The following OSBPL6 variants were observed in gnomAD, a reference collection of about 807,000 sequenced individuals.
OSBPL6 encodes oxysterol binding protein like 6, also known as oxysterol-binding protein-related protein 6.
In OSBPL6, 49 loss-of-function variants were observed where a neutral mutation model predicts 125.8. That is an observed-to-expected ratio of 0.39 (90% CI 0.31 to 0.49). The LOEUF is 0.49. Ranked by LOEUF, OSBPL6 falls within the 20% of genes least tolerant of loss-of-function variation. OSBPL6 has a pLI of 0.88. For synonymous variants in OSBPL6, 394 were observed against 391.8 expected, an observed-to-expected ratio of 1.01 and a Z score of -0.07; for missense variants, 986 against 1,135.4, an observed-to-expected ratio of 0.87 and a Z score of 1.89.
At chr2:178,275,700 G>A (rs1455006086) in intron 1 of OSBPL6, among the ~76,000 whole-genome samples, 2 of 150,642 alleles carry the variant, frequency 1.3e-5, no homozygotes, top group African/African-American at 4.9e-5. Flanking sequence ...GCGAGACAAG[G>A]TCACTCAGGA....
rs1418684022 is a variant in OSBPL6, at chr2:178,396,755, G to A, written c.*1196G>A. 3 of 152,140 alleles carry A rather than the reference G, an allele frequency of 2.0e-5. No homozygotes were observed. The highest frequency in any genetic ancestry group is 4.4e-5 in the Non-Finnish European group (3 of 68,018). 9.4% of individuals were successfully genotyped at this position (152,140 alleles called of 1,614,324 possible). A position where few individuals can be genotyped will look rare whatever the true frequency, so the allele number is the denominator to read the frequency against. On this transcript the variant is annotated 3_prime_UTR_variant, in exon 25 of 25. Coordinates refer to ENST00000190611, the MANE Select transcript of OSBPL6 (RefSeq NM_032523.4). Reference sequence around the variant, plus strand: ...ATATTAAGCATTTACCTTGCTATTGGCAGAGATATGAAACTTAAGCTAAGG... The same window carrying A: ...ATATTAAGCATTTACCTTGCTATTGACAGAGATATGAAACTTAAGCTAAGG...
chr2:178,244,418 T>C (rs2091416343), intron 1 of OSBPL6, among the ~76,000 whole-genome samples: 1 of 137,816 alleles, frequency 7.3e-6, no homozygotes, highest in South Asian at 2.4e-4. Context: ...CTATTAGACC[T>C]TAAGTCCATG....
chr2:178,194,472 A>C (rs1339485228), upstream of OSBPL6: 1 of 151,978 alleles, frequency 6.6e-6, no homozygotes, highest in African/African-American at 2.4e-5. Flanking sequence ...GCTGCAGCGC[A>C]GCGGACCACT....
chr2:178,336,501 C>G (rs2154079929), intron 9 of OSBPL6, 68 bp downstream of exon 9: 1 of 1,553,076 alleles, frequency 6.4e-7, no homozygotes, highest in Non-Finnish European at 8.8e-7. Context: ...CCGAAGAGGT[C>G]AATTATGAGT....
At chr2:178,292,639 C>T (rs1685391754) in intron 2 of OSBPL6, among the ~76,000 whole-genome samples, 1 of 152,146 alleles carries the variant, frequency 6.6e-6, no homozygotes, top group Admixed American at 6.6e-5. Context: ...ATTCATCCAT[C>T]CATCCATTCA....
chr2:178,369,321 T>C (rs1693157041), intron 13 of OSBPL6, among the ~76,000 whole-genome samples: 1 of 152,194 alleles, frequency 6.6e-6, no homozygotes, highest in Non-Finnish European at 1.5e-5. Flanking sequence ...CAAATACTGA[T>C]GATTTGCCCC....
chr2:178,251,818 A>T (rs1409238383), intron 1 of OSBPL6, among the ~76,000 whole-genome samples: 1 of 152,182 alleles, frequency 6.6e-6, no homozygotes, highest in African/African-American at 2.4e-5. Flanking sequence ...TTTTCATCAG[A>T]CTACAAATGA....
At chr2:178,320,660 A>C (rs972132091) in intron 3 of OSBPL6, among the ~76,000 whole-genome samples, 1 of 152,244 alleles carries the variant, frequency 6.6e-6, no homozygotes, top group Non-Finnish European at 1.5e-5. Context: ...ACAAATTATG[A>C]TCTTAAAGGA....
rs559627669 is a variant in OSBPL6 at position 178,329,632 on chromosome 2, G to A, written c.318+1254G>A. On this transcript the variant is annotated intron_variant, in intron 5 of 24. Transcript: ENST00000190611. The stretch of plus-strand genomic sequence containing the variant: ...AGTAGAGATTGGGTTTCACCATATC[G>A]GCCAGGCTGGTCTCAAACTCCTGAC... 5.6e-4 allele frequency among the ~76,000 whole-genome samples: 85 copies of A among 151,710 alleles called. 4 individuals are homozygous for A. The highest frequency in any genetic ancestry group is 1.8e-3 in the African/African-American group (74 of 41,338).
Position 178,383,159 on chromosome 2 carries a change from T to A in OSBPL6, c.1757T>A (p.Val586Asp), listed in dbSNP as rs995301556. 6.2e-7 allele frequency: 1 copy of A among 1,614,064 alleles called. No individual in the cohort carries two copies. The highest frequency in any genetic ancestry group is 8.5e-7 in the Non-Finnish European group (1 of 1,180,020). ...AACATTGGTAAAGACCTGTCTAAAGTCTCTATGCCTGTGGAGCTAAACGAG... is the reference window on the plus strand; with the variant it reads ...AACATTGGTAAAGACCTGTCTAAAGACTCTATGCCTGTGGAGCTAAACGAG... The part of the protein sequence containing the change: ...RNNIGKDLSK[V>D]SMPVELNEPL... Residue 586 changes from valine to aspartate, a missense_variant, in exon 17 of 25, where the codon GTC (valine) becomes GAC (aspartate). Val to Asp is a radical substitution (Grantham distance 152). Coordinates refer to ENST00000190611, the MANE Select transcript of OSBPL6 (RefSeq NM_032523.4).
chr2:178,331,285 C>T (rs1689175185), intron 5 of OSBPL6, among the ~76,000 whole-genome samples: 1 of 152,156 alleles, frequency 6.6e-6, no homozygotes, highest in African/African-American at 2.4e-5. Context: ...TCAGATTCCT[C>T]CCCTGTTAAG....
At chr2:178,326,416 G>T (rs1688699749) in intron 4 of OSBPL6, among the ~76,000 whole-genome samples, 1 of 152,078 alleles carries the variant, frequency 6.6e-6, no homozygotes, top group Non-Finnish European at 1.5e-5. Flanking sequence ...GTACTGACAT[G>T]ATCACATTAT....
At chr2:178,356,838 A>G in intron 12 of OSBPL6, among the ~76,000 whole-genome samples, 1 of 152,224 alleles carries the variant, frequency 6.6e-6, no homozygotes, top group East Asian at 1.9e-4. Flanking sequence ...ATTTCAAACT[A>G]TACTACAAGG....
chr2:178,240,109 G>A (rs2091229597), intron 1 of OSBPL6, among the ~76,000 whole-genome samples: 1 of 152,034 alleles, frequency 6.6e-6, no homozygotes. Context: ...CAAGTATAAT[G>A]GTGATTGCCA....
At chr2:178,221,002 A>T (rs1393721922) in intron 1 of OSBPL6, among the ~76,000 whole-genome samples, 1 of 152,210 alleles carries the variant, frequency 6.6e-6, no homozygotes, top group African/African-American at 2.4e-5. Context: ...GGATCTGCCC[A>T]GAGTGCCGTC....
chr2:178,256,331 G>C (rs2091887154), intron 1 of OSBPL6, among the ~76,000 whole-genome samples: 2 of 152,336 alleles, frequency 1.3e-5, no homozygotes, highest in Middle Eastern at 6.8e-3. Context: ...GATATAACTG[G>C]AGTGGGAGTT....
intron 2 of OSBPL6, among the ~76,000 whole-genome samples, chr2:178,291,792 GCCATCCAT>G (rs371679590): frequency 9.4e-5 from 11 of 116,726 alleles, no homozygotes; most frequent in South Asian, 9.1e-4. Flanking sequence ...CTTCCTGCCT[GCCATCCAT>G]CCATCCATCC....
intron 1 of OSBPL6, among the ~76,000 whole-genome samples, chr2:178,270,779 A>C (rs193053289): frequency 1.3e-5 from 2 of 152,198 alleles, no homozygotes; most frequent in Non-Finnish European, 2.9e-5. Flanking sequence ...TTGGTTTTGA[A>C]AAAGAAAAAT....
At chr2:178,283,056 A>G (rs992869892) in intron 1 of OSBPL6, among the ~76,000 whole-genome samples, 3 of 152,246 alleles carry the variant, frequency 2.0e-5, no homozygotes, top group Non-Finnish European at 4.4e-5. Flanking sequence ...AAAAAGATGC[A>G]ATGCTGAGCA....
Sources: gnomAD v4.1 joint callset for allele counts (sites outside exome capture counted in the v4.1 genomes callset) on GRCh38, gnomAD v4.1.1 for gene constraint, MANE v1.5 for transcripts, NCBI Gene and HGNC (gene_info 2026-07-23, HGNC 2026-07-21) for gene names.